Variants in GRM3 observed in about 807,000 individuals in gnomAD.
GRM3 encodes the protein glutamate metabotropic receptor 3.
In GRM3, 26 loss-of-function variants were observed where a neutral mutation model predicts 70.5. The observed-to-expected ratio is 0.37, with a 90% CI of 0.27 to 0.51. GRM3 has a LOEUF of 0.51. GRM3 is among the 20% of genes least tolerant of loss of function. The pLI is 0.93. For synonymous variants in GRM3, 443 were observed against 434.9 expected, an observed-to-expected ratio of 1.02 and a Z score of -0.23; for missense variants, 859 against 1,123.8, an observed-to-expected ratio of 0.76 and a Z score of 3.37.
intron 3 of GRM3, among the ~76,000 whole-genome samples, chr7:86,790,883 GC>G (rs1797394406): frequency 6.6e-6 from 1 of 151,614 alleles, no homozygotes; most frequent in Non-Finnish European, 1.5e-5. Context: ...CACTACAGAT[GC>G]CCCTATTTCC....
At position 86,811,230 on chromosome 7, in the gene GRM3, A is replaced by G. The variant is rs553998715; in HGVS notation, c.1324+24114A>G. 1.4e-4 allele frequency among the ~76,000 whole-genome samples: 22 copies of G among 152,068 alleles called. No homozygotes were observed. The South Asian group carries it at 4.1e-3, about 29-fold the overall frequency. ...TTAGAGTAAAAGTTGAAGATAAGGA[A>G]CAACAATAAAGTTTTGCTGAAGGGC... is the stretch of plus-strand genomic sequence containing the variant. On this transcript the variant is annotated intron_variant, in intron 3 of 5. Transcript: ENST00000361669.
At chr7:86,700,707 A>G (rs1284894346) in intron 1 of GRM3, among the ~76,000 whole-genome samples, 1 of 151,906 alleles carries the variant, frequency 6.6e-6, no homozygotes, top group African/African-American at 2.4e-5. Context: ...TCAGGATCCT[A>G]TTCCTGATGT....
Position 86,776,201 on chromosome 7 carries a change from T to A in GRM3, c.469-10060T>A, listed in dbSNP as rs377094218. ...AAGTGCTTCATATGTTTTCATTTAA[T>A]CTTTACATGACTTCATAAACCATGG... is the stretch of plus-strand genomic sequence containing the variant. On this transcript the variant is annotated intron_variant, in intron 2 of 5. Coordinates refer to ENST00000361669, the MANE Select transcript of GRM3 (RefSeq NM_000840.3). 3.3e-5 allele frequency among the ~76,000 whole-genome samples: 5 copies of A among 152,326 alleles called. No individual in the cohort carries two copies. In the East Asian group the frequency reaches 7.7e-4, roughly 23 times the overall value.
chr7:86,707,509 T>C (rs1795087058), intron 1 of GRM3, among the ~76,000 whole-genome samples: 1 of 152,010 alleles, frequency 6.6e-6, no homozygotes, highest in Non-Finnish European at 1.5e-5. Context: ...TCTGGGACCT[T>C]GGGCAAGTTA....
intron 1 of GRM3, among the ~76,000 whole-genome samples, chr7:86,697,379 G>A (rs989927614): frequency 6.6e-6 from 1 of 151,776 alleles, no homozygotes; most frequent in Non-Finnish European, 1.5e-5. Context: ...ATCTGAATTA[G>A]GAAAGGATGG....
intron 5 of GRM3, among the ~76,000 whole-genome samples, chr7:86,856,711 A>G (rs1415690349): frequency 6.6e-6 from 1 of 152,186 alleles, no homozygotes; most frequent in Admixed American, 6.5e-5. Flanking sequence ...AGGTAACTCT[A>G]CATGTATTAG....
At chr7:86,744,226 A>G (rs1012167726) in intron 1 of GRM3, among the ~76,000 whole-genome samples, 4 of 151,992 alleles carry the variant, frequency 2.6e-5, no homozygotes, top group Non-Finnish European at 5.9e-5. Context: ...TATAAGTAAG[A>G]CTATTAGAGA....
At chr7:86,748,421 A>T (rs977080374) in intron 1 of GRM3, among the ~76,000 whole-genome samples, 1 of 152,052 alleles carries the variant, frequency 6.6e-6, no homozygotes, top group African/African-American at 2.4e-5. Flanking sequence ...CAAGCACAAT[A>T]TGTTACATCC....
chr7:86,700,966 A>C (rs553020855), intron 1 of GRM3, among the ~76,000 whole-genome samples: 8 of 152,066 alleles, frequency 5.3e-5, no homozygotes, highest in African/African-American at 1.7e-4. Context: ...TTTTAATGAA[A>C]GTCTAAATTT....
intron 1 of GRM3, among the ~76,000 whole-genome samples, chr7:86,668,269 A>T (rs938550387): frequency 1.4e-4 from 21 of 148,978 alleles, no homozygotes; most frequent in Admixed American, 6.7e-4. Context: ...AAATGTCAAA[A>T]TTTTTTTTTT....
At chr7:86,670,454 T>C (rs1297362335) in intron 1 of GRM3, among the ~76,000 whole-genome samples, 1 of 152,178 alleles carries the variant, frequency 6.6e-6, no homozygotes, top group Non-Finnish European at 1.5e-5. Flanking sequence ...CATTTTCTTA[T>C]ACATCCAGGA....
intron 1 of GRM3, among the ~76,000 whole-genome samples, chr7:86,654,190 G>T (rs935352163): frequency 5.3e-5 from 8 of 152,166 alleles, no homozygotes; most frequent in Non-Finnish European, 7.3e-5. Flanking sequence ...GCAGCAGGGA[G>T]GGGGAGGCTC....
chr7:86,847,785 A>G (rs749053410), intron 4 of GRM3, among the ~76,000 whole-genome samples: 60 of 152,288 alleles, frequency 3.9e-4, no homozygotes, highest in Non-Finnish European at 8.8e-5. Context: ...AGAACACAGA[A>G]TTACAGATAA....
chr7:86,821,822 TC>T (rs904745784), intron 3 of GRM3, among the ~76,000 whole-genome samples: 72 of 152,288 alleles, frequency 4.7e-4, no homozygotes, highest in African/African-American at 1.5e-3. Flanking sequence ...TTTTTCCCTC[TC>T]CTCATTTTTA....
chr7:86,796,870 C>A (rs946015403), intron 3 of GRM3, among the ~76,000 whole-genome samples: 1 of 152,122 alleles, frequency 6.6e-6, no homozygotes, highest in African/African-American at 2.4e-5. Context: ...GGGGGCAGGT[C>A]TTTTCCACGC....
intron 3 of GRM3, among the ~76,000 whole-genome samples, chr7:86,798,515 T>A (rs1797609038): frequency 6.6e-6 from 1 of 152,134 alleles, no homozygotes; most frequent in Non-Finnish European, 1.5e-5. Flanking sequence ...TTGAAATGGG[T>A]GTGTATAACA....
intron 1 of GRM3, among the ~76,000 whole-genome samples, chr7:86,661,494 G>C (rs1375000610): frequency 1.3e-5 from 2 of 151,930 alleles, no homozygotes; most frequent in Non-Finnish European, 2.9e-5. Flanking sequence ...GCGAGGTATA[G>C]TGTTTAACTT....
At chr7:86,855,873 A>G (rs1798836192) in intron 5 of GRM3, among the ~76,000 whole-genome samples, 3 of 152,196 alleles carry the variant, frequency 2.0e-5, no homozygotes, top group South Asian at 4.1e-4. Context: ...TCTATAGTTC[A>G]GCCCCCGAAA....
chr7:86,732,801 T>C (rs1307745627), intron 1 of GRM3, among the ~76,000 whole-genome samples: 1 of 152,194 alleles, frequency 6.6e-6, no homozygotes, highest in African/African-American at 2.4e-5. Context: ...TGGAATATCA[T>C]TTATTTCACA....
Sources: gnomAD v4.1 joint callset for allele counts (sites outside exome capture counted in the v4.1 genomes callset) on GRCh38, gnomAD v4.1.1 for gene constraint, MANE v1.5 for transcripts, NCBI Gene and HGNC (gene_info 2026-07-23, HGNC 2026-07-21) for gene names.